Variants in CDH13 observed in about 807,000 individuals in gnomAD.
The protein encoded by CDH13 is cadherin-13.
A neutral mutation model predicts 63.8 loss-of-function variants in CDH13; 24 were observed. The ratio of observed to expected loss-of-function variants is 0.38; its 90% CI spans 0.27 to 0.53. The LOEUF is 0.53. Among genes scored for constraint, CDH13 ranks in the 20% least tolerant of loss-of-function variants. The pLI is 0.85. For synonymous variants in CDH13, 503 were observed against 355.3 expected (o/e 1.42, Z -4.67); for missense variants, 1,049 against 903.1 (o/e 1.16, Z -2.07).
At chr16:83,307,031 A>C (rs2089897633) in intron 5 of CDH13, among the ~76,000 whole-genome samples, 1 of 152,210 alleles carries the variant, frequency 6.6e-6, no homozygotes, top group Non-Finnish European at 1.5e-5. Flanking sequence ...TTTCGGCATG[A>C]ATAAGCTCTT....
chr16:83,666,984 A>C (rs1452167074), intron 8 of CDH13, among the ~76,000 whole-genome samples: 2 of 150,968 alleles, frequency 1.3e-5, no homozygotes, highest in Non-Finnish European at 2.9e-5. Flanking sequence ...TAGTGGTGTA[A>C]CCCTGGATGG....
chr16:82,915,491 C>T (rs963185070), intron 2 of CDH13, among the ~76,000 whole-genome samples: 3 of 152,112 alleles, frequency 2.0e-5, no homozygotes, highest in Admixed American at 6.5e-5. Context: ...AAGTGATATA[C>T]AGGGATCGTT....
intron 5 of CDH13, among the ~76,000 whole-genome samples, chr16:83,250,201 T>A (rs1905357340): frequency 6.6e-6 from 1 of 152,176 alleles, no homozygotes; most frequent in South Asian, 2.1e-4. Context: ...ATATTCAGAT[T>A]GCCACTATCA....
chr16:83,174,599 C>T (rs1017467802), intron 4 of CDH13, among the ~76,000 whole-genome samples: 3 of 151,874 alleles, frequency 2.0e-5, no homozygotes, highest in East Asian at 1.9e-4. Context: ...CACTAGCCAC[C>T]TGTGGTTACT....
intron 11 of CDH13, among the ~76,000 whole-genome samples, chr16:83,771,082 A>G (rs1914728914): frequency 6.6e-6 from 1 of 152,196 alleles, no homozygotes; most frequent in Non-Finnish European, 1.5e-5. Context: ...GTAGACCCCC[A>G]TGTGCTCAAA....
intron 2 of CDH13, among the ~76,000 whole-genome samples, chr16:82,970,045 G>A (rs976253090): frequency 2.0e-5 from 3 of 151,658 alleles, no homozygotes; most frequent in Non-Finnish European, 2.9e-5. Flanking sequence ...CTGTCAATCC[G>A]TCATCTACAT....
chr16:83,177,220 T>G (rs1265517612), intron 4 of CDH13, among the ~76,000 whole-genome samples: 1 of 152,206 alleles, frequency 6.6e-6, no homozygotes, highest in East Asian at 1.9e-4. Context: ...ACTCAGATCT[T>G]TGCCACATTG....
chr16:83,738,342 TTTATG>T (rs1219843083), intron 10 of CDH13, among the ~76,000 whole-genome samples: 1 of 152,262 alleles, frequency 6.6e-6, no homozygotes, highest in Admixed American at 6.5e-5. Flanking sequence ...AACGTGTGTG[TTTATG>T]TATACATCGA....
chr16:82,942,117 A>G lies in CDH13; in HGVS notation c.157+83644A>G, dbSNP rs989850738. Among the ~76,000 whole-genome samples the G allele has an allele frequency of 3.3e-5, 5 of 152,270 alleles. No individual in the cohort carries two copies. In the East Asian group the frequency reaches 9.7e-4, roughly 29 times the overall value. On this transcript the variant is annotated intron_variant, in intron 2 of 13. Coordinates refer to ENST00000567109, the MANE Select transcript of CDH13 (RefSeq NM_001257.5). ...TGTCCTGTTTAAGAAATATTTGCAT[A>G]CCCCAAGGTCACAGACATTCTCCAC...
intron 2 of CDH13, among the ~76,000 whole-genome samples, chr16:82,950,984 A>T (rs984568249): frequency 6.6e-6 from 1 of 152,112 alleles, no homozygotes; most frequent in South Asian, 2.1e-4. Context: ...TTCAGCTTAG[A>T]TGTTGCGCAT....
intron 2 of CDH13, among the ~76,000 whole-genome samples, chr16:82,926,306 A>C (rs1200105980): frequency 6.6e-6 from 1 of 152,068 alleles, no homozygotes; most frequent in Non-Finnish European, 1.5e-5. Context: ...AGAAAAAAAA[A>C]GGCCAGAAGA....
chr16:83,216,415 T>TATATATATATATATATAC (rs2039519401), intron 4 of CDH13, among the ~76,000 whole-genome samples: 2 of 88,060 alleles, frequency 2.3e-5, no homozygotes, highest in Non-Finnish European at 4.6e-5. Flanking sequence ...TATATATATA[T>TATATATATATATATATAC]ATATATATAT....
chr16:83,602,132 AAAAAAAAAAAACC>A lies in CDH13; in HGVS notation c.961-321_961-309del, dbSNP rs1567797641. On this transcript the variant is annotated intron_variant, in intron 7 of 13. Coordinates refer to ENST00000567109, the MANE Select transcript of CDH13 (RefSeq NM_001257.5). The stretch of plus-strand genomic sequence containing the variant: ...CAAAAAAAAAAAAAAAAAAAAAAAA[AAAAAAAAAAAACC>A]CAAAGGACAATGTATACCCAAGCCC... Among the ~76,000 whole-genome samples the A allele has an allele frequency of 6.7e-4, 65 of 97,706 alleles. 1 individual carries two copies. Among genetic ancestry groups the A allele is most frequent in the African/African-American group, 3.4e-3 (59 of 17,414 alleles). 64.1% of individuals were successfully genotyped at this position (97,706 alleles called of 152,430 possible).
intron 5 of CDH13, among the ~76,000 whole-genome samples, chr16:83,296,110 C>T (rs1461310081): frequency 6.6e-6 from 1 of 152,190 alleles, no homozygotes; most frequent in Admixed American, 6.5e-5. Context: ...CTCTGACTAG[C>T]TTTCCACATT....
chr16:82,818,126 G>A (rs2151194195), intron 1 of CDH13, among the ~76,000 whole-genome samples: 1 of 151,628 alleles, frequency 6.6e-6, no homozygotes, highest in Non-Finnish European at 1.5e-5. Flanking sequence ...GTGTGTGTGT[G>A]TGTGTGTGTG....
intron 10 of CDH13, chr16:83,728,816 A>G (rs923651732): frequency 6.6e-6 from 1 of 152,240 alleles, no homozygotes; most frequent in African/African-American, 2.4e-5. Flanking sequence ...TCAGGCTGCC[A>G]TAACCAAATA....
intron 6 of CDH13, among the ~76,000 whole-genome samples, chr16:83,437,493 C>G (rs2072342013): frequency 6.6e-6 from 1 of 151,892 alleles, no homozygotes; most frequent in Non-Finnish European, 1.5e-5. Flanking sequence ...CTGGCTAACA[C>G]AGTGAAACCC....
intron 2 of CDH13, among the ~76,000 whole-genome samples, chr16:82,896,125 A>C (rs1431568784): frequency 6.6e-6 from 1 of 152,010 alleles, no homozygotes; most frequent in African/African-American, 2.4e-5. Context: ...ATTCATTCGT[A>C]TCTTACCTGT....
At chr16:82,731,334 A>G (rs989839443) in intron 1 of CDH13, among the ~76,000 whole-genome samples, 3 of 152,210 alleles carry the variant, frequency 2.0e-5, no homozygotes, top group African/African-American at 7.2e-5. Flanking sequence ...TTTCAATAAA[A>G]CTTTATTTAC....
Sources: gnomAD v4.1 joint callset for allele counts (sites outside exome capture counted in the v4.1 genomes callset) on GRCh38, gnomAD v4.1.1 for gene constraint, MANE v1.5 for transcripts, NCBI Gene and HGNC (gene_info 2026-07-23, HGNC 2026-07-21) for gene names.